The following BAZ1B variants were observed in gnomAD, a reference collection of about 807,000 sequenced individuals.
The protein encoded by BAZ1B is bromodomain adjacent to zinc finger domain 1B, also known as tyrosine-protein kinase BAZ1B.
In BAZ1B, 22 loss-of-function variants were observed where a neutral mutation model predicts 153.8. The observed-to-expected ratio is 0.14, with a 90% confidence interval of 0.10 to 0.20. The LOEUF (loss-of-function observed/expected upper bound fraction) is 0.20, where lower values mean the gene tolerates loss of function less well. BAZ1B is among the 10% of genes least tolerant of loss of function. BAZ1B has a pLI of 1.00. For missense variants in BAZ1B, 1,325 were observed against 1,799.3 expected (o/e 0.74, Z 4.77); for synonymous variants, 676 against 633.4 (o/e 1.07, Z -1.01).
In BAZ1B at chr7:73,441,645, T is replaced by C. The variant is rs192977669; in HGVS notation, c.*64A>G. On this transcript the variant is annotated 3_prime_UTR_variant, in exon 20 of 20. Transcript: ENST00000339594. ...AACTCAAAAGACCACAACTGTTTCA[T>C]GATGCTGGTGAATACACAATTCTGT... 765 of 153,408 alleles carry C rather than the reference T, an allele frequency of 5.0e-3. 3 individuals carry two copies. The highest frequency in any genetic ancestry group is 0.01 in the South Asian group (50 of 4,832). The allele number at this position is 153,408 out of a possible 1,614,324, so 9.5% of individuals were successfully genotyped here.
In BAZ1B at chr7:73,442,198, ACTT is replaced by A. The variant is rs781849698; in HGVS notation, c.4447_4449del (p.Lys1483del). 22 of 1,537,350 alleles carry A rather than the reference ACTT, an allele frequency of 1.4e-5. No individual in the cohort carries two copies. The highest frequency in any genetic ancestry group is 5.7e-5 in the Admixed American group (3 of 52,498). On this transcript the variant is annotated inframe_deletion, in exon 19 of 20. Coordinates refer to ENST00000339594, the MANE Select transcript of BAZ1B (RefSeq NM_032408.4). ...TCCCTTACCACGGCCCTGCCTCTCT[ACTT>A]CTTCTGTCTTCGTCCCCTGGACTGT...
Position 73,489,329 on chromosome 7 carries a change from T to A in BAZ1B, c.756A>T (p.Ile252=). The A allele has an allele frequency of 1.2e-6, 2 of 1,614,212 alleles. No homozygotes were observed. Among genetic ancestry groups the A allele is most frequent in the Non-Finnish European group, 1.7e-6 (2 of 1,180,042 alleles). Residue 252 remains isoleucine, a synonymous_variant, in exon 6 of 20, where the codon ATA becomes ATT. Transcript: ENST00000339594. The part of the protein sequence containing the change: ...IRTERPPNKE[I]VRYFIRHNAL... ...CATTATGCCGTATAAAGTATCGAAC[T>A]ATCTCCTTATTTGGTGGGCGCTCTG...
intron 15 of BAZ1B, among the ~76,000 whole-genome samples, chr7:73,448,571 T>C (rs1787921016): frequency 6.6e-6 from 1 of 152,192 alleles, no homozygotes; most frequent in South Asian, 2.1e-4. Context: ...GAGGTTCAGC[T>C]GAACACAGAG....
At chr7:73,504,755 G>C (rs940025727) in intron 3 of BAZ1B, among the ~76,000 whole-genome samples, 7 of 152,120 alleles carry the variant, frequency 4.6e-5, no homozygotes, top group Admixed American at 6.6e-5. Context: ...TTGAGCCTGG[G>C]AGGCTGAGGC....
intron 19 of BAZ1B, 24 bp downstream of exon 19, chr7:73,442,157 G>GCTTT (rs1563359055): frequency 4.8e-5 from 18 of 376,836 alleles, no homozygotes; most frequent in South Asian, 2.5e-4. Context: ...CTCCCTAGCT[G>GCTTT]TCCCCCCACC....
intron 13 of BAZ1B, among the ~76,000 whole-genome samples, chr7:73,455,317 A>G (rs1435319329): frequency 6.6e-6 from 1 of 152,218 alleles, no homozygotes; most frequent in African/African-American, 2.4e-5. Flanking sequence ...AAAATTAGGG[A>G]CAATATTCTG....
At chr7:73,460,483 T>C (rs923993550) in intron 12 of BAZ1B, among the ~76,000 whole-genome samples, 1 of 152,134 alleles carries the variant, frequency 6.6e-6, no homozygotes, top group Non-Finnish European at 1.5e-5. Flanking sequence ...TTTTACAAAC[T>C]TGATCTCCTT....
Position 73,510,816 on chromosome 7 carries a change from G to A in BAZ1B, c.144C>T (p.Arg48=). The change falls in exon 2 of 20, where the codon CGC becomes CGT. Residue 48 remains arginine (R), a synonymous_variant. Transcript: ENST00000339594. ...TTCCAGTACTCTTGCACGTCCAAAT[G>A]CGCTCACTGTACCTTTCCAAGCGGG... The part of the protein sequence containing the change: ...YEARLERYSE[R]IWTCKSTGSS... The A allele has an allele frequency of 1.2e-6, 2 of 1,614,112 alleles. No individual in the cohort carries two copies. The highest frequency in any genetic ancestry group is 1.7e-6 in the Non-Finnish European group (2 of 1,180,044).
intron 13 of BAZ1B, among the ~76,000 whole-genome samples, chr7:73,455,288 G>A (rs1465673265): frequency 6.6e-6 from 1 of 152,152 alleles, no homozygotes; most frequent in African/African-American, 2.4e-5. Context: ...AAGGAAAGAA[G>A]GCAGGGAGAG....
At position 73,522,082 on chromosome 7, in the gene BAZ1B, C is replaced by G; in HGVS notation, c.-149G>C. ...GGCGGCGCGAACTCCGGCTCCCTCACCGCCGGCGCGGCCGCGCGACAGTCA... is the reference window on the plus strand; with the variant it reads ...GGCGGCGCGAACTCCGGCTCCCTCAGCGCCGGCGCGGCCGCGCGACAGTCA... On this transcript the variant is annotated 5_prime_UTR_variant, in exon 1 of 20. Transcript: ENST00000339594. 2 of 487,116 alleles carry G rather than the reference C, an allele frequency of 4.1e-6. No homozygotes were observed. The highest frequency in any genetic ancestry group is 2.1e-4 in the South Asian group (2 of 9,700). The allele number at this position is 487,116 out of a possible 1,614,324, so 30.2% of individuals were successfully genotyped here.
chr7:73,442,217 C>T lies in BAZ1B; in HGVS notation c.4431G>A (p.Arg1477=). The T allele has an allele frequency of 1.2e-6, 2 of 1,612,538 alleles. No homozygotes were observed. Among genetic ancestry groups the T allele is most frequent in the Non-Finnish European group, 1.7e-6 (2 of 1,179,540 alleles). Residue 1477 remains arginine, a synonymous_variant, in exon 19 of 20, where the codon AGG becomes AGA. Coordinates refer to ENST00000339594, the MANE Select transcript of BAZ1B (RefSeq NM_032408.4). ...DSEPEAVGQS[R]GRRQKK ...CTCTCTACTTCTTCTGTCTTCGTCC[C>T]CTGGACTGTCCAACGGCCTCTGGCT...
intron 3 of BAZ1B, among the ~76,000 whole-genome samples, chr7:73,506,732 T>A (rs1475158907): frequency 6.9e-6 from 1 of 145,540 alleles, no homozygotes; most frequent in Non-Finnish European, 1.5e-5. Context: ...GCGCCTGTAG[T>A]CCCAGCTACT....
At chr7:73,475,275 T>A (rs1554572591) in intron 7 of BAZ1B, among the ~76,000 whole-genome samples, 1 of 152,224 alleles carries the variant, frequency 6.6e-6, no homozygotes, top group African/African-American at 2.4e-5. Flanking sequence ...CATACATGAA[T>A]ATTTATGGCA....
intron 9 of BAZ1B, among the ~76,000 whole-genome samples, chr7:73,466,681 A>G (rs371930298): frequency 3.2e-4 from 49 of 152,336 alleles, no homozygotes; most frequent in Admixed American, 1.1e-3. Context: ...AAATATCTTT[A>G]TATCAAAGCA....
At chr7:73,506,771 A>C (rs1335371610) in intron 3 of BAZ1B, among the ~76,000 whole-genome samples, 1 of 146,270 alleles carries the variant, frequency 6.8e-6, no homozygotes, top group African/African-American at 2.5e-5. Flanking sequence ...GAATCACTTG[A>C]ACCAGGGAGG....
rs1219116297 is a variant in BAZ1B, at chr7:73,484,880, A to ATT, written c.891+4312_891+4313dup. On this transcript the variant is annotated intron_variant, in intron 6 of 19. Coordinates refer to ENST00000339594, the MANE Select transcript of BAZ1B (RefSeq NM_032408.4). ...AAGAAAAGCTGAGGGACTGTCCCAG[A>ATT]TTAGAAGAGACCAAAGAGACAAGTA... Among the ~76,000 whole-genome samples the ATT allele has an allele frequency of 6.6e-5, 10 of 152,354 alleles. No individual in the cohort carries two copies. The East Asian group carries it at 1.9e-3, about 29-fold the overall frequency.
At chr7:73,470,023 C>G (rs189250184) in intron 8 of BAZ1B, among the ~76,000 whole-genome samples, 1 of 152,086 alleles carries the variant, frequency 6.6e-6, no homozygotes, top group Non-Finnish European at 1.5e-5. Flanking sequence ...TGTGTAACTA[C>G]TAATATTTCT....
chr7:73,492,633 AATTTAC>A (rs1789697837), intron 5 of BAZ1B, among the ~76,000 whole-genome samples, 161 bp downstream of exon 5: 1 of 152,226 alleles, frequency 6.6e-6, no homozygotes, highest in Non-Finnish European at 1.5e-5. Context: ...AAGAAAATAT[AATTTAC>A]ATTAACTTGA....
chr7:73,465,372 C>A (rs1055004155), intron 11 of BAZ1B, 67 bp downstream of exon 11: 14 of 1,073,110 alleles, frequency 1.3e-5, no homozygotes, highest in East Asian at 1.0e-4. Flanking sequence ...AGAAAAAAAA[C>A]CCTCAGATAT....
Sources: allele counts gnomAD v4.1 joint callset (sites outside exome capture counted in the v4.1 genomes callset), GRCh38; gene constraint gnomAD v4.1.1; transcripts MANE v1.5; gene names NCBI Gene and HGNC (gene_info 2026-07-23, HGNC 2026-07-21).